Variants in HIVEP3 observed in about 807,000 individuals in gnomAD.
HIVEP3 encodes the protein HIVEP zinc finger 3.
A neutral mutation model predicts 152.8 loss-of-function variants in HIVEP3; 49 were observed. The observed-to-expected ratio is 0.32, with a 90% CI of 0.26 to 0.41. The LOEUF is 0.41. Ranked by LOEUF, HIVEP3 falls within the 10% of genes least tolerant of loss-of-function variation. The pLI is 1.00. For missense variants in HIVEP3, 2,790 were observed against 3,103.3 expected, an observed-to-expected ratio of 0.90 and a Z score of 2.40; for synonymous variants, 1,269 against 1,289.0, an observed-to-expected ratio of 0.98 and a Z score of 0.33.
chr1:41,871,805 A>G (rs1043110924), intron 1 of HIVEP3, among the ~76,000 whole-genome samples: 2 of 152,230 alleles, frequency 1.3e-5, no homozygotes, highest in Non-Finnish European at 2.9e-5. Flanking sequence ...AAAGACAAGA[A>G]TAGGGCTACG....
chr1:41,997,447 T>G (rs1645402475), intron 1 of HIVEP3, among the ~76,000 whole-genome samples: 1 of 152,236 alleles, frequency 6.6e-6, no homozygotes, highest in Non-Finnish European at 1.5e-5. Context: ...AGATACGCCA[T>G]GCAGTTGCAC....
rs61551837 is a variant in HIVEP3 at position 41,918,107 on chromosome 1, C to CCCGCCGCCG, written c.-801+297_-801+305dup. Among the ~76,000 whole-genome samples, 33 of 151,714 alleles carry CCCGCCGCCG rather than the reference C, an allele frequency of 2.2e-4. No individual in the cohort carries two copies. The South Asian group carries it at 2.5e-3, about 11-fold the overall frequency. On this transcript the variant is annotated intron_variant, in intron 1 of 8. Coordinates refer to ENST00000372583, the MANE Select transcript of HIVEP3 (RefSeq NM_024503.5). The surrounding 1 kb of genome is among the most constrained non-coding windows in gnomAD (Gnocchi z 4.3). Reference sequence around the variant, plus strand: ...CGCACGGCGCGCATAGGGTTACAGCCCCGCCGCCGCCGCCGCCGCCGCCGC... The same window carrying CCCGCCGCCG: ...CGCACGGCGCGCATAGGGTTACAGCCCCGCCGCCGCCGCCGCCGCCGCCGCCGCCGCCGC...
At chr1:41,713,462 G>A (rs763726000) in intron 1 of HIVEP3, among the ~76,000 whole-genome samples, 2 of 152,214 alleles carry the variant, frequency 1.3e-5, no homozygotes, top group Non-Finnish European at 2.9e-5. Flanking sequence ...GGCATGTAGA[G>A]CTCTGGATTC....
chr1:41,962,531 C>T (rs1174583294), intron 1 of HIVEP3, among the ~76,000 whole-genome samples: 1 of 152,188 alleles, frequency 6.6e-6, no homozygotes, highest in Non-Finnish European at 1.5e-5. Flanking sequence ...CTCCCTGGGA[C>T]GTCACTAGAC....
intron 3 of HIVEP3, among the ~76,000 whole-genome samples, chr1:41,591,714 G>A (rs553095692): frequency 2.0e-5 from 3 of 152,126 alleles, no homozygotes; most frequent in Non-Finnish European, 2.9e-5. Flanking sequence ...CATTCAGTGA[G>A]GACCATGGCA....
chr1:41,566,806 C>A (rs377344776), intron 5 of HIVEP3, among the ~76,000 whole-genome samples: 2 of 152,122 alleles, frequency 1.3e-5, no homozygotes, highest in Non-Finnish European at 2.9e-5. Flanking sequence ...GCTTCTCTGG[C>A]GATTCCTCCT....
intron 1 of HIVEP3, among the ~76,000 whole-genome samples, chr1:42,002,032 C>A (rs76844295): frequency 0.012 from 1,896 of 152,222 alleles, 39 homozygotes; most frequent in African/African-American, 0.044. Flanking sequence ...TTTCCACAAG[C>A]TTTTAACTCA....
At chr1:41,986,408 A>G (rs1045290505) in intron 1 of HIVEP3, among the ~76,000 whole-genome samples, 2 of 150,122 alleles carry the variant, frequency 1.3e-5, no homozygotes, top group African/African-American at 4.9e-5. Context: ...GTACAGCTTT[A>G]CTGACATTAC....
chr1:41,983,591 G>A (rs1281465133), intron 1 of HIVEP3, among the ~76,000 whole-genome samples: 4 of 152,034 alleles, frequency 2.6e-5, no homozygotes, highest in Non-Finnish European at 5.9e-5. Flanking sequence ...GCAGCTGGGT[G>A]GAGAAAAAAG....
chr1:41,971,480 GT>G (rs1488674662), intron 1 of HIVEP3, among the ~76,000 whole-genome samples: 1 of 152,106 alleles, frequency 6.6e-6, no homozygotes, highest in African/African-American at 2.4e-5. Flanking sequence ...CCACCCAAGT[GT>G]TTTCATGTCA....
chr1:42,010,422 T>C lies in HIVEP3; in HGVS notation n.119+25385A>G, dbSNP rs373204086. Among the ~76,000 whole-genome samples the C allele has an allele frequency of 2.6e-5, 4 of 152,260 alleles. No individual in the cohort carries two copies. In the South Asian group the frequency reaches 8.3e-4, roughly 32 times the overall value. On this transcript the variant is annotated intron_variant and non_coding_transcript_variant, in intron 1 of 3. Transcript: ENST00000489103. Reference sequence around the variant, plus strand: ...TATAGGTAGTTCATGTGTGTTTCCTTTGTAGTTAGGCAGGTCTATTTGCTC... The same window carrying C: ...TATAGGTAGTTCATGTGTGTTTCCTCTGTAGTTAGGCAGGTCTATTTGCTC...
At chr1:41,687,953 A>G (rs755335142) in intron 2 of HIVEP3, among the ~76,000 whole-genome samples, 1 of 152,234 alleles carries the variant, frequency 6.6e-6, no homozygotes, top group Non-Finnish European at 1.5e-5. Flanking sequence ...TAAGCCAACA[A>G]TTTCCCAGCC....
chr1:41,530,117 C>T (rs1643200907), intron 5 of HIVEP3, among the ~76,000 whole-genome samples: 1 of 152,072 alleles, frequency 6.6e-6, no homozygotes, highest in Non-Finnish European at 1.5e-5. Context: ...GTTTTTTTGT[C>T]ACCTCAGATT....
At chr1:41,732,772 A>G (rs183545378) in intron 1 of HIVEP3, among the ~76,000 whole-genome samples, 18 of 152,226 alleles carry the variant, frequency 1.2e-4, no homozygotes, top group African/African-American at 3.4e-4. Flanking sequence ...CCTTCCCCCA[A>G]CAGAACCCCA....
In HIVEP3 at chr1:41,580,772, C is replaced by T. The variant is rs557861407; in HGVS notation, c.4026G>A (p.Leu1342=). 1 of 1,579,618 alleles carries T rather than the reference C, an allele frequency of 6.3e-7. No individual in the cohort carries two copies. The highest frequency in any genetic ancestry group is 1.2e-5 in the South Asian group (1 of 83,606). ...CTGAGCTGCCTTGGGACTGGGTGACCAAGATCTGGGAAAGGGTGGTGTACA... is the reference window on the plus strand; with the variant it reads ...CTGAGCTGCCTTGGGACTGGGTGACTAAGATCTGGGAAAGGGTGGTGTACA... ...SAMYTTLSQI[L]VTQSQGSSAT... Residue 1342 remains leucine (L), a synonymous_variant, in exon 4 of 9, where the codon TTG becomes TTA. Transcript: ENST00000372583.
intron 1 of HIVEP3, among the ~76,000 whole-genome samples, chr1:41,801,691 C>T (rs1220055215): frequency 6.6e-6 from 1 of 151,826 alleles, no homozygotes; most frequent in East Asian, 1.9e-4. Flanking sequence ...TTGCAGTGAG[C>T]CGAGATCTCG....
At position 41,513,641 on chromosome 1, in the gene HIVEP3, G is replaced by C; in HGVS notation, c.5580C>G (p.Asp1860Glu). Residue 1860 changes from aspartate (D) to glutamate (E), a missense_variant, in exon 8 of 9, where the codon GAC becomes GAG. By Grantham distance (45) the Asp-to-Glu change is conservative. Around this residue, in one of 9 missense-constraint regions of HIVEP3, gnomAD observed 816 missense variants for 806.5 expected, o/e 1.01. Transcript: ENST00000372583. ...LEDSDSDSDL[D>E]EDEDEDEEES... ...CCTCCTCATCCTCATCCTCGTCTTC[G>C]TCCAGGTCTGAGTCTGAGTCCGAGT... is the stretch of plus-strand genomic sequence containing the variant. 1.9e-6 allele frequency: 3 copies of C among 1,613,852 alleles called. No individual in the cohort carries two copies. The highest frequency in any genetic ancestry group is 2.5e-6 in the Non-Finnish European group (3 of 1,179,986).
chr1:41,803,270 T>C (rs982744562), intron 1 of HIVEP3, among the ~76,000 whole-genome samples: 1 of 152,112 alleles, frequency 6.6e-6, no homozygotes, highest in Non-Finnish European at 1.5e-5. Context: ...GGAGTATGTG[T>C]TGTTATTGTT....
chr1:42,001,178 C>T (rs993662408), intron 1 of HIVEP3, among the ~76,000 whole-genome samples: 1 of 151,814 alleles, frequency 6.6e-6, no homozygotes, highest in African/African-American at 2.4e-5. Flanking sequence ...AGCAAGGGAA[C>T]AGGAAAAAAG....
Sources: allele counts gnomAD v4.1 joint callset (sites outside exome capture counted in the v4.1 genomes callset), GRCh38; gene constraint gnomAD v4.1.1; regional missense constraint gnomAD v4.1.1; non-coding constraint Gnocchi (gnomAD v3.1); transcripts MANE v1.5; gene names NCBI Gene and HGNC (gene_info 2026-07-23, HGNC 2026-07-21).